The following AKAP6 variants were observed in gnomAD, a reference collection of about 807,000 sequenced individuals.
AKAP6 encodes the protein A-kinase anchor protein 6.
In AKAP6, 58 loss-of-function variants were observed where a neutral mutation model predicts 188.5. The observed-to-expected ratio is 0.31, with a 90% confidence interval of 0.25 to 0.38. AKAP6 has a LOEUF of 0.38. Ranked by LOEUF, AKAP6 falls within the 10% of genes least tolerant of loss-of-function variation. The pLI is 1.00. For synonymous variants in AKAP6, 989 were observed against 998.6 expected, an observed-to-expected ratio of 0.99 and a Z score of 0.18; for missense variants, 2,710 against 2,740.0, an observed-to-expected ratio of 0.99 and a Z score of 0.24.
intron 11 of AKAP6, among the ~76,000 whole-genome samples, chr14:32,751,686 T>C (rs971304235): frequency 1.3e-5 from 2 of 152,004 alleles, no homozygotes; most frequent in Non-Finnish European, 2.9e-5. Flanking sequence ...TAAAAAAAAA[T>C]CTATTTTTAT....
chr14:32,706,485 G>A (rs1016551629), intron 9 of AKAP6, among the ~76,000 whole-genome samples: 1 of 152,042 alleles, frequency 6.6e-6, no homozygotes, highest in African/African-American at 2.4e-5. Context: ...AGGCAGCATT[G>A]CCCTCAGATG....
At chr14:32,661,480 G>A (rs77539966) in intron 7 of AKAP6, among the ~76,000 whole-genome samples, 3,482 of 152,228 alleles carry the variant, frequency 0.023, 141 homozygotes, top group African/African-American at 0.078. Context: ...TGCAGAATCA[G>A]TGTCATTCCT....
At chr14:32,501,955 A>G (rs754853170) in intron 2 of AKAP6, among the ~76,000 whole-genome samples, 8 of 152,146 alleles carry the variant, frequency 5.3e-5, no homozygotes, top group African/African-American at 1.9e-4. Context: ...TAATGAAGCA[A>G]ATATGCCTTA....
At chr14:32,385,797 A>G (rs1351332032) in intron 1 of AKAP6, among the ~76,000 whole-genome samples, 1 of 151,008 alleles carries the variant, frequency 6.6e-6, no homozygotes, top group East Asian at 1.9e-4. Flanking sequence ...TATGTATATC[A>G]TATATGATAT....
intron 4 of AKAP6, among the ~76,000 whole-genome samples, chr14:32,550,678 T>A (rs571262734): frequency 1.3e-5 from 2 of 152,382 alleles, no homozygotes; most frequent in South Asian, 2.1e-4. Flanking sequence ...GAACCCATTC[T>A]GCCTGGAAAA....
chr14:32,368,754 G>A (rs1887914093), intron 1 of AKAP6, among the ~76,000 whole-genome samples: 1 of 152,174 alleles, frequency 6.6e-6, no homozygotes, highest in African/African-American at 2.4e-5. Context: ...ATGTGTTTGA[G>A]CACCTACTAT....
At chr14:32,591,180 T>C (rs1054033121) in intron 5 of AKAP6, among the ~76,000 whole-genome samples, 1 of 152,150 alleles carries the variant, frequency 6.6e-6, no homozygotes, top group African/African-American at 2.4e-5. Flanking sequence ...AGAGAAATAT[T>C]TGGGCCAGCA....
At chr14:32,459,370 G>T (rs750128362) in intron 2 of AKAP6, among the ~76,000 whole-genome samples, 1 of 152,064 alleles carries the variant, frequency 6.6e-6, no homozygotes, top group Non-Finnish European at 1.5e-5. Flanking sequence ...TCTATTGTAT[G>T]TTTACTACAA....
At chr14:32,660,928 C>G (rs1053681740) in intron 7 of AKAP6, among the ~76,000 whole-genome samples, 2 of 89,906 alleles carry the variant, frequency 2.2e-5, no homozygotes, top group Non-Finnish European at 4.3e-5. Context: ...CCCGCCACCC[C>G]CCCCCCTCCC....
chr14:32,471,079 A>G (rs1453577329), intron 2 of AKAP6, among the ~76,000 whole-genome samples: 1 of 152,218 alleles, frequency 6.6e-6, no homozygotes, highest in Non-Finnish European at 1.5e-5. Flanking sequence ...ACTATGATAA[A>G]CTAGGTTCTT....
At chr14:32,819,645 A>G (rs78275141) in intron 12 of AKAP6, among the ~76,000 whole-genome samples, 7,037 of 152,246 alleles carry the variant, frequency 0.046, 205 homozygotes, top group South Asian at 0.11. Context: ...GCGATTCTGC[A>G]TGTATTAAGA....
rs531057695 is a variant in AKAP6, at chr14:32,712,063, A to G, written c.3000+15953A>G. Among the ~76,000 whole-genome samples, 10 of 152,160 alleles carry G rather than the reference A, an allele frequency of 6.6e-5. No individual in the cohort carries two copies. The South Asian group carries it at 1.4e-3, about 22-fold the overall frequency. On this transcript the variant is annotated intron_variant, in intron 9 of 13. Transcript: ENST00000280979. ...AGGCTAAAAGAACAAACTCATGGGT[A>G]AATATAATACAGGCATACCTAAGAG...
chr14:32,822,932 CACAAGA>C lies in AKAP6; in HGVS notation c.5126_5131del (p.Asn1709_Lys1710del). The C allele has an allele frequency of 6.2e-7, 1 of 1,613,904 alleles. No homozygotes were observed. On this transcript the variant is annotated inframe_deletion, in exon 13 of 14. Transcript: ENST00000280979. ...TCTTTGCTCAGAGGATATTGTGTTA[CACAAGA>C]ACAAGATCCCGGAATCGAATGCATC...
intron 12 of AKAP6, among the ~76,000 whole-genome samples, chr14:32,803,647 A>G (rs1362697672): frequency 1.3e-5 from 2 of 151,858 alleles, no homozygotes; most frequent in African/African-American, 4.8e-5. Context: ...TTCTCTGTTT[A>G]TCTTTCTCTA....
At chr14:32,600,848 G>A in intron 7 of AKAP6, 56 bp downstream of exon 7, 1 of 1,504,098 alleles carries the variant, frequency 6.6e-7, no homozygotes, top group African/African-American at 1.4e-5. Context: ...TTTTGAACTA[G>A]GCACCACTGA....
chr14:32,438,530 T>C (rs987670573), intron 2 of AKAP6: 1 of 152,204 alleles, frequency 6.6e-6, no homozygotes, highest in African/African-American at 2.4e-5. Flanking sequence ...ACAACTGTTA[T>C]AAAGTTCCCA....
chr14:32,434,899 GA>G (rs1890332681), intron 2 of AKAP6, among the ~76,000 whole-genome samples: 1 of 152,162 alleles, frequency 6.6e-6, no homozygotes, highest in Admixed American at 6.5e-5. Context: ...AAAAGAGCCA[GA>G]ATCTTAAAGG....
intron 9 of AKAP6, among the ~76,000 whole-genome samples, chr14:32,721,504 G>T (rs1365426179): frequency 6.6e-6 from 1 of 152,116 alleles, no homozygotes; most frequent in African/African-American, 2.4e-5. Flanking sequence ...CAGATAAAAA[G>T]ACTTGAAAGT....
chr14:32,472,201 G>T (rs1485167165), intron 2 of AKAP6, among the ~76,000 whole-genome samples: 1 of 152,034 alleles, frequency 6.6e-6, no homozygotes, highest in African/African-American at 2.4e-5. Flanking sequence ...CTCTAAAGTG[G>T]CTCCCCTTTT....
Sources: allele counts gnomAD v4.1 joint callset (sites outside exome capture counted in the v4.1 genomes callset), GRCh38; gene constraint gnomAD v4.1.1; transcripts MANE v1.5; gene names NCBI Gene and HGNC (gene_info 2026-07-23, HGNC 2026-07-21).